TMEM235: variants seen among roughly 807,000 people sequenced by gnomAD.
TMEM235 encodes the protein transmembrane protein 235.
TMEM235 carries 23 observed loss-of-function variants against 22.9 expected under a neutral mutation model. That is an observed-to-expected ratio of 1.00 (90% CI 0.72 to 1.42). The LOEUF (loss-of-function observed/expected upper bound fraction) is 1.42. TMEM235 is among the 40% of genes most tolerant of loss of function. The pLI is 0.00. For missense variants in TMEM235, 308 were observed against 299.5 expected, an observed-to-expected ratio of 1.03 and a Z score of -0.21; for synonymous variants, 137 against 140.5, an observed-to-expected ratio of 0.98 and a Z score of 0.17.
chr17:78,239,107 C>A, exon 5 of TMEM235: 1 of 1,544,032 alleles, frequency 6.5e-7, no homozygotes, highest in Non-Finnish European at 8.7e-7. Flanking sequence ...GTATGGCCCG[C>A]AGCACATGCA....
chr17:78,239,973 G>T, exon 6 of TMEM235: 3 of 1,548,374 alleles, frequency 1.9e-6, no homozygotes, highest in Non-Finnish European at 2.6e-6. Flanking sequence ...GCAAGGAGCT[G>T]AGCGATCCAG....
chr17:78,232,531 T>G (rs1174216641), intron 2 of TMEM235, among the ~76,000 whole-genome samples: 1 of 151,958 alleles, frequency 6.6e-6, no homozygotes, highest in African/African-American at 2.4e-5. Context: ...TCACCAGGGG[T>G]TGTTTCTTGA....
intron 3 of TMEM235, chr17:78,234,346 C>A: frequency 1.4e-6 from 1 of 709,064 alleles, no homozygotes; most frequent in South Asian, 1.5e-5. Flanking sequence ...TTCCACCTGG[C>A]GGGTTGGGGG....
exon 2 of TMEM235, chr17:78,231,946 GGCT>G: frequency 3.6e-6 from 3 of 835,746 alleles, no homozygotes; most frequent in Non-Finnish European, 4.3e-6. Flanking sequence ...CCCGTCCCCC[GGCT>G]CCCGGCTCCG....
Position 78,238,773 on chromosome 17 carries a change from A to AGCT in TMEM235, c.410-250_410-248dup, listed in dbSNP as rs2076673489. Among the ~76,000 whole-genome samples, 1 of 151,848 alleles carries AGCT rather than the reference A, an allele frequency of 6.6e-6. No individual in the cohort carries two copies. The highest frequency in any genetic ancestry group is 1.5e-5 in the Non-Finnish European group (1 of 67,952). On this transcript the variant is annotated intron_variant, in intron 4 of 5. Transcript: ENST00000421688. The surrounding 1 kb of genome is among the most constrained non-coding windows in gnomAD (Gnocchi z 4.3). ...TGAGGACTGAATTGGAGCCTCTTAA[A>AGCT]GCTCCACTCCGCCAAATGCAGTTGA...
At chr17:78,239,835 A>G (rs765328768) in exon 6 of TMEM235, 1 of 1,551,454 alleles carries the variant, frequency 6.4e-7, no homozygotes, top group Non-Finnish European at 8.7e-7. Flanking sequence ...GCCTGGCGCC[A>G]GAGAGATGCC....
exon 5 of TMEM235, chr17:78,239,046 C>T (rs1394739552): frequency 6.5e-7 from 1 of 1,542,270 alleles, no homozygotes; most frequent in Admixed American, 2.0e-5. Context: ...TGGCGGGGGT[C>T]AGCATCTACA....
chr17:78,232,948 AGTGT>A (rs201593525), intron 2 of TMEM235, among the ~76,000 whole-genome samples: 1 of 151,970 alleles, frequency 6.6e-6, no homozygotes, highest in Admixed American at 6.5e-5. Flanking sequence ...TGTGAATATG[AGTGT>A]GTGAGCATGT....
At chr17:78,231,876 TGCGCGG>T in exon 2 of TMEM235, 1 of 1,135,954 alleles carries the variant, frequency 8.8e-7, no homozygotes, top group Non-Finnish European at 1.1e-6. Flanking sequence ...GCGAGGCCAG[TGCGCGG>T]GCAGGAGCGG....
chr17:78,235,328 C>A (rs1347467022), intron 4 of TMEM235, among the ~76,000 whole-genome samples: 2 of 151,370 alleles, frequency 1.3e-5, no homozygotes, highest in African/African-American at 4.9e-5. Flanking sequence ...GCTCTTGTTG[C>A]CCAGGCTGGA....
At position 78,238,959 on chromosome 17, in the gene TMEM235, G is replaced by T; in HGVS notation, c.410-65G>T. The T allele has an allele frequency of 4.7e-6, 7 of 1,491,794 alleles. No homozygotes were observed. In the South Asian group the frequency reaches 9.0e-5, roughly 19 times the overall value. The allele number at this position is 1,491,794 out of a possible 1,614,324, so 92.4% of individuals were successfully genotyped here. A position where few individuals can be genotyped will look rare whatever the true frequency, so the allele number is the denominator to read the frequency against. ...GGGGATGCTGAGGCCATGTCTGCAG[G>T]ACCACCTGGGCCTGGGCCCGCTAGA... On this transcript the variant is annotated intron_variant, in intron 4 of 5. Transcript: ENST00000421688. The surrounding 1 kb of genome is among the most constrained non-coding windows in gnomAD (Gnocchi z 4.3).
exon 2 of TMEM235, chr17:78,231,750 T>C: frequency 8.1e-7 from 1 of 1,233,294 alleles, no homozygotes; most frequent in Non-Finnish European, 1.0e-6. Flanking sequence ...ACGCTGGGAT[T>C]GGAGCCCAAG....
chr17:78,236,946 G>A (rs1462237699), intron 4 of TMEM235, among the ~76,000 whole-genome samples: 2 of 152,250 alleles, frequency 1.3e-5, no homozygotes, highest in East Asian at 1.9e-4. Flanking sequence ...CCATCTGTGA[G>A]TGTTCAAAAT....
intron 4 of TMEM235, among the ~76,000 whole-genome samples, chr17:78,235,782 T>C (rs2076636660): frequency 6.6e-6 from 1 of 151,926 alleles, no homozygotes; most frequent in Admixed American, 6.6e-5. Context: ...TTTGTATTTT[T>C]AGTAGAGATG....
exon 3 of TMEM235, chr17:78,233,946 A>G (rs945431407): frequency 6.5e-7 from 1 of 1,534,472 alleles, no homozygotes; most frequent in Non-Finnish European, 8.7e-7. Flanking sequence ...GAGAGCCTGG[A>G]CGTCTCCACC....
Position 78,238,158 on chromosome 17 carries a change from T to C in TMEM235, c.410-866T>C, listed in dbSNP as rs907056314. ...GGAAGGGGGTGGCACTCCGGGCTGG[T>C]TCCTCCAAGCTCAGTGGACAGGAAA... On this transcript the variant is annotated intron_variant, in intron 4 of 5. Coordinates refer to ENST00000421688, the Ensembl canonical transcript of TMEM235. This position sits in a 1 kb window ranked among gnomAD's most constrained non-coding sequence, Gnocchi z 4.3. Among the ~76,000 whole-genome samples, 1 of 152,182 alleles carries C rather than the reference T, an allele frequency of 6.6e-6. No individual in the cohort carries two copies. The highest frequency in any genetic ancestry group is 6.5e-5 in the Admixed American group (1 of 15,270).
At position 78,239,111 on chromosome 17, in the gene TMEM235, A is replaced by G. The variant is rs572657572; in HGVS notation, c.497A>G (p.His166Arg). 3.2e-5 allele frequency: 49 copies of G among 1,543,862 alleles called. No homozygotes were observed. The highest frequency in any genetic ancestry group is 3.8e-5 in the Non-Finnish European group (44 of 1,146,942). ...ACGGTGCAGCAGTATGGCCCGCAGC[A>G]CATGCAGGGCGTCCGCGTCAGCTTC... The change falls in exon 5 of 6, where the codon CAC becomes CGC. Residue 166 changes from histidine (H) to arginine (R), a missense_variant. His to Arg is a conservative substitution (Grantham distance 29). This residue lies in a region of TMEM235 where 285 missense variants were observed against 256.2 expected (regional missense o/e 1.11). Transcript: ENST00000421688.
chr17:78,233,567 T>C (rs554570949), intron 2 of TMEM235, among the ~76,000 whole-genome samples: 17 of 151,562 alleles, frequency 1.1e-4, no homozygotes, highest in African/African-American at 2.2e-4. Context: ...CGGTGGCGGG[T>C]GCCTGTAGTC....
intron 3 of TMEM235, 29 bp downstream of exon 2, chr17:78,234,004 T>C: frequency 6.7e-7 from 1 of 1,488,938 alleles, no homozygotes; most frequent in South Asian, 1.3e-5. Flanking sequence ...CACCTCCCCA[T>C]CCTTTCCAAA....
Sources: gnomAD v4.1 joint callset for allele counts (sites outside exome capture counted in the v4.1 genomes callset) on GRCh38, gnomAD v4.1.1 for gene constraint, gnomAD v4.1.1 regional missense constraint, Gnocchi (gnomAD v3.1) non-coding constraint, MANE v1.5 for transcripts, NCBI Gene and HGNC (gene_info 2026-07-23, HGNC 2026-07-21) for gene names.